The following LHFPL3 variants were observed in gnomAD, a reference collection of about 807,000 sequenced individuals.
The protein encoded by LHFPL3 is LHFPL tetraspan subfamily member 3.
A neutral mutation model predicts 19.3 loss-of-function variants in LHFPL3; 5 were observed. The observed-to-expected ratio is 0.26, with a 90% CI of 0.14 to 0.54. The LOEUF is 0.54. Ranked by LOEUF, LHFPL3 falls within the 20% of genes least tolerant of loss-of-function variation. The probability of loss-of-function intolerance (pLI) is 0.94; values close to 1 mark genes in which losing one functional copy is unlikely to be tolerated. For synonymous variants in LHFPL3, 133 were observed against 126.2 expected (o/e 1.05, Z -0.36); for missense variants, 249 against 307.4 (o/e 0.81, Z 1.42).
At chr7:104,561,750 G>A (rs545829652) in intron 1 of LHFPL3, among the ~76,000 whole-genome samples, 11 of 152,028 alleles carry the variant, frequency 7.2e-5, no homozygotes, top group South Asian at 4.2e-4. Context: ...TATTTTGCTC[G>A]TTAGTTGATG....
intron 1 of LHFPL3, among the ~76,000 whole-genome samples, chr7:104,371,665 G>A (rs935030253): frequency 1.5e-4 from 23 of 151,318 alleles, no homozygotes; most frequent in African/African-American, 5.1e-4. Flanking sequence ...TTTTATATGA[G>A]TCACAATGTA....
At chr7:104,667,223 G>T (rs1323445347) in intron 1 of LHFPL3, among the ~76,000 whole-genome samples, 2 of 148,858 alleles carry the variant, frequency 1.3e-5, no homozygotes, top group African/African-American at 5.0e-5. Context: ...AAAGGTGCAA[G>T]TTCCCAATTA....
chr7:104,766,280 C>T (rs908537557), intron 2 of LHFPL3, among the ~76,000 whole-genome samples: 15 of 152,148 alleles, frequency 9.9e-5, no homozygotes, highest in Non-Finnish European at 1.8e-4. Context: ...GTCTGAATGC[C>T]ATGGGAGCAA....
intron 1 of LHFPL3, among the ~76,000 whole-genome samples, chr7:104,424,758 A>G (rs934119155): frequency 2.6e-5 from 4 of 151,958 alleles, no homozygotes; most frequent in Admixed American, 1.3e-4. Context: ...TTGGGAGGCC[A>G]AGGCAGGCAG....
chr7:104,571,227 A>G (rs976681989), intron 1 of LHFPL3, among the ~76,000 whole-genome samples: 1 of 152,198 alleles, frequency 6.6e-6, no homozygotes, highest in Admixed American at 6.5e-5. Context: ...TGAAGTATCT[A>G]CTTTAGACTG....
intron 1 of LHFPL3, among the ~76,000 whole-genome samples, chr7:104,429,727 G>T (rs1422157303): frequency 6.6e-6 from 1 of 152,118 alleles, no homozygotes; most frequent in East Asian, 1.9e-4. Context: ...TCTTCATAAA[G>T]GTAGGATAAT....
chr7:104,705,042 C>A (rs1027615430), intron 1 of LHFPL3, among the ~76,000 whole-genome samples: 5 of 152,150 alleles, frequency 3.3e-5, no homozygotes, highest in African/African-American at 7.2e-5. Flanking sequence ...AATCACATTT[C>A]TTTTCCTTTA....
chr7:104,527,185 G>C (rs1488410704), intron 1 of LHFPL3, among the ~76,000 whole-genome samples: 2 of 152,152 alleles, frequency 1.3e-5, no homozygotes, highest in East Asian at 3.9e-4. Context: ...TGGAGAGTTG[G>C]GCAGGGGGCG....
intron 2 of LHFPL3, among the ~76,000 whole-genome samples, chr7:104,848,690 C>A (rs1411086540): frequency 6.6e-6 from 1 of 152,132 alleles, no homozygotes; most frequent in Non-Finnish European, 1.5e-5. Context: ...CTATGGGCTG[C>A]CCCTGAGCCA....
chr7:104,543,862 A>G (rs544745283), intron 1 of LHFPL3, among the ~76,000 whole-genome samples: 34 of 150,846 alleles, frequency 2.3e-4, no homozygotes, highest in African/African-American at 4.6e-4. Context: ...ACATGTATAC[A>G]TATGTAACAA....
At chr7:104,332,712 G>A (rs191751139) in intron 1 of LHFPL3, among the ~76,000 whole-genome samples, 13 of 152,102 alleles carry the variant, frequency 8.5e-5, no homozygotes, top group Admixed American at 3.9e-4. Context: ...TTTTCGTGCC[G>A]TTATGAACAC....
chr7:104,752,891 T>G (rs1360982307), intron 2 of LHFPL3: 1 of 342,892 alleles, frequency 2.9e-6, no homozygotes, highest in Non-Finnish European at 5.2e-6. Context: ...CTCCACCAGC[T>G]CACAGCCTCT....
intron 2 of LHFPL3, chr7:104,845,455 T>C (rs1172644644): frequency 6.5e-7 from 1 of 1,534,926 alleles, no homozygotes; most frequent in Non-Finnish European, 8.7e-7. Flanking sequence ...GCTTTGTGGG[T>C]TCAGCTCTGT....
At chr7:104,781,411 T>C (rs1794713130) in intron 2 of LHFPL3, among the ~76,000 whole-genome samples, 1 of 152,112 alleles carries the variant, frequency 6.6e-6, no homozygotes, top group Non-Finnish European at 1.5e-5. Flanking sequence ...GAGGGGTCCC[T>C]CCTTCTGTGT....
chr7:104,676,854 T>A (rs1268350991), intron 1 of LHFPL3, among the ~76,000 whole-genome samples: 1 of 152,232 alleles, frequency 6.6e-6, no homozygotes, highest in Non-Finnish European at 1.5e-5. Flanking sequence ...GACTCAGCAG[T>A]CAAATTCTGC....
At position 104,782,196 on chromosome 7, in the gene LHFPL3, G is replaced by A. The variant is rs114053567; in HGVS notation, c.682+45285G>A. 1.2e-3 allele frequency among the ~76,000 whole-genome samples: 182 copies of A among 152,246 alleles called. 1 individual carries two copies. The highest frequency in any genetic ancestry group is 4.1e-3 in the African/African-American group (171 of 41,536). ...GTGGTAACCAGAAAATTGGGATTCC[G>A]TTCCTTTCCATGCAGCCTCAGGACT... On this transcript the variant is annotated intron_variant, in intron 2 of 2. Coordinates refer to ENST00000424859, the MANE Select transcript of LHFPL3 (RefSeq NM_199000.3).
At chr7:104,625,326 G>T (rs889491932) in intron 1 of LHFPL3, among the ~76,000 whole-genome samples, 2 of 152,118 alleles carry the variant, frequency 1.3e-5, no homozygotes, top group Non-Finnish European at 2.9e-5. Context: ...GGCATTTTGG[G>T]TCCTATCACA....
chr7:104,676,168 T>G (rs913008620), intron 1 of LHFPL3, among the ~76,000 whole-genome samples: 1 of 152,250 alleles, frequency 6.6e-6, no homozygotes, highest in African/African-American at 2.4e-5. Context: ...TTTGCTCCAT[T>G]GCTTTTATGC....
At chr7:104,459,879 C>T (rs1792623340) in intron 1 of LHFPL3, among the ~76,000 whole-genome samples, 1 of 152,156 alleles carries the variant, frequency 6.6e-6, no homozygotes, top group Non-Finnish European at 1.5e-5. Context: ...ATTTTAGGTT[C>T]AGGAGTATAT....
Sources: gnomAD v4.1 joint callset for allele counts (sites outside exome capture counted in the v4.1 genomes callset) on GRCh38, gnomAD v4.1.1 for gene constraint, MANE v1.5 for transcripts, NCBI Gene and HGNC (gene_info 2026-07-23, HGNC 2026-07-21) for gene names.